MYO9B: variants seen among roughly 807,000 people sequenced by gnomAD.
The protein encoded by MYO9B is myosin IXB, also known as unconventional myosin-IXb.
MYO9B carries 71 observed loss-of-function variants against 229.5 expected under a neutral mutation model. The ratio of observed to expected loss-of-function variants is 0.31; its 90% CI spans 0.26 to 0.38. The LOEUF is 0.38. Ranked by LOEUF, MYO9B falls within the 10% of genes least tolerant of loss-of-function variation. The probability of loss-of-function intolerance (pLI) is 1.00; values close to 1 mark genes in which losing one functional copy is unlikely to be tolerated. For synonymous variants in MYO9B, 1,185 were observed against 1,235.8 expected (o/e 0.96, Z 0.86); for missense variants, 2,255 against 2,920.5 (o/e 0.77, Z 5.25).
intron 1 of MYO9B, among the ~76,000 whole-genome samples, chr19:17,077,527 C>T (rs938891960): frequency 6.6e-6 from 1 of 152,194 alleles, no homozygotes; most frequent in South Asian, 2.1e-4. Context: ...GCCCTGCAAT[C>T]GCCTCTTCCC....
At chr19:17,156,793 T>G in intron 6 of MYO9B, 116 bp from the exon 7 acceptor site, 2 of 1,250,316 alleles carry the variant, frequency 1.6e-6, no homozygotes, top group Non-Finnish European at 2.2e-6. Flanking sequence ...TTTTCAAATT[T>G]CATGCGTTCC....
Position 17,102,055 on chromosome 19 carries a change from A to G in MYO9B, c.338A>G (p.Asn113Ser), listed in dbSNP as rs1424027668. The G allele has an allele frequency of 7.4e-6, 12 of 1,612,388 alleles. No individual in the cohort carries two copies. Among genetic ancestry groups the G allele is most frequent in the South Asian group, 1.1e-5 (1 of 91,094 alleles). Residue 113 changes from asparagine to serine, a missense_variant, in exon 2 of 40, where the codon AAC becomes AGC. Asn to Ser is a conservative substitution (Grantham distance 46). Around this residue, in one of 7 missense-constraint regions of MYO9B, gnomAD observed 386 missense variants for 515.2 expected, o/e 0.75. Coordinates refer to ENST00000682292, the MANE Select transcript of MYO9B (RefSeq NM_004145.4). ...DGYYFLLQER[N>S]ADGTIKYVHM... ...TACTACTTCCTGCTGCAGGAGCGCA[A>G]CGCAGATGGAACCATCAAGTACGTG...
rs888580771 is a variant in MYO9B, at chr19:17,185,065, A to G, written c.2496+78A>G. 2.5e-6 allele frequency: 4 copies of G among 1,595,142 alleles called. No individual in the cohort carries two copies. The African/African-American group carries it at 5.4e-5, about 21-fold the overall frequency. On this transcript the variant is annotated intron_variant, in intron 17 of 39. Coordinates refer to ENST00000682292, the MANE Select transcript of MYO9B (RefSeq NM_004145.4). ...TGTAGCTTCACCCGACACCGAGCAC[A>G]GCCCGTCTCTAGTAAAAATACAAAA...
At chr19:17,206,621 A>G in intron 33 of MYO9B, 58 bp from the exon 34 acceptor site, 1 of 1,456,412 alleles carries the variant, frequency 6.9e-7, no homozygotes, top group Non-Finnish European at 9.4e-7. Context: ...GTTGGTGGGG[A>G]CAACAGGCAC....
At chr19:17,114,458 G>A (rs1209568501) in intron 2 of MYO9B, among the ~76,000 whole-genome samples, 4 of 152,056 alleles carry the variant, frequency 2.6e-5, no homozygotes, top group East Asian at 1.9e-4. Context: ...TCGTGTCACC[G>A]ATGATGAAGC....
intron 28 of MYO9B, 56 bp downstream of exon 28, chr19:17,202,359 C>G: frequency 4.1e-6 from 6 of 1,465,704 alleles, no homozygotes; most frequent in Non-Finnish European, 5.4e-6. Flanking sequence ...ACCCATGCCT[C>G]GCCATCCTTA....
intron 38 of MYO9B, 129 bp downstream of exon 38, chr19:17,210,977 CTTTTTTTT>C: frequency 1.2e-5 from 4 of 333,560 alleles, no homozygotes; most frequent in South Asian, 8.7e-5. Context: ...GCAAACAACA[CTTTTTTTT>C]TTTTTTTTTT....
In MYO9B at chr19:17,183,887, C is replaced by T; in HGVS notation, c.2373+19C>T. On this transcript the variant is annotated intron_variant, in intron 16 of 39. Coordinates refer to ENST00000682292, the MANE Select transcript of MYO9B (RefSeq NM_004145.4). ...TCCAAAGGTAAAAAAAAAAACACAC[C>T]CCGCGCGACACGTTCCAAGATATCT... 1.3e-6 allele frequency: 2 copies of T among 1,557,046 alleles called. No individual in the cohort carries two copies. The highest frequency in any genetic ancestry group is 1.7e-6 in the Non-Finnish European group (2 of 1,156,828).
At chr19:17,189,757 G>A (rs1291427519) in intron 19 of MYO9B, among the ~76,000 whole-genome samples, 1 of 152,068 alleles carries the variant, frequency 6.6e-6, no homozygotes, top group African/African-American at 2.4e-5. Context: ...ATCTGCAGTG[G>A]TCTTTCTTAA....
chr19:17,206,043 G>A lies in MYO9B; in HGVS notation c.5148G>A (p.Leu1716=), dbSNP rs2073157369. 1 of 1,610,508 alleles carries A rather than the reference G, an allele frequency of 6.2e-7. No homozygotes were observed. Among genetic ancestry groups the A allele is most frequent in the Non-Finnish European group, 8.5e-7 (1 of 1,177,882 alleles). Residue 1716 remains leucine, a synonymous_variant, in exon 32 of 40, where the codon CTG becomes CTA. Coordinates refer to ENST00000682292, the MANE Select transcript of MYO9B (RefSeq NM_004145.4). ...ACAAGGCCTCGGTGCCCATCGTGCT[G>A]GAGAAGCTCCTGGAACACGTGGAGA... ...TSDKASVPIV[L]EKLLEHVEMH...
rs1158284421 is a variant in MYO9B at position 17,195,572 on chromosome 19, T to A, written c.4046+99T>A. 1 of 1,428,328 alleles carries A rather than the reference T, an allele frequency of 7.0e-7. No homozygotes were observed. The highest frequency in any genetic ancestry group is 2.5e-5 in the East Asian group (1 of 40,272). 88.5% of individuals were successfully genotyped at this position (1,428,328 alleles called of 1,614,324 possible). A position where few individuals can be genotyped will look rare whatever the true frequency, so the allele number is the denominator to read the frequency against. ...CATCCTGGAAACACATGTGTAATCA[T>A]GCCCAGTGGGTGTGCGGGAGGCCTG... On this transcript the variant is annotated intron_variant, in intron 22 of 39. Coordinates refer to ENST00000682292, the MANE Select transcript of MYO9B (RefSeq NM_004145.4). The surrounding 1 kb of genome is among the most constrained non-coding windows in gnomAD (Gnocchi z 4.5).
At chr19:17,127,810 G>C (rs1320489510) in intron 2 of MYO9B, among the ~76,000 whole-genome samples, 1 of 152,218 alleles carries the variant, frequency 6.6e-6, no homozygotes, top group Non-Finnish European at 1.5e-5. Flanking sequence ...CATTGGCAGA[G>C]CTGAGCGGTG....
chr19:17,106,392 C>T (rs1412071521), intron 2 of MYO9B, among the ~76,000 whole-genome samples: 1 of 152,162 alleles, frequency 6.6e-6, no homozygotes, highest in African/African-American at 2.4e-5. Context: ...AAAATTCTCC[C>T]CAGGTAGAAC....
intron 1 of MYO9B, among the ~76,000 whole-genome samples, chr19:17,084,123 C>T (rs1198097177): frequency 6.6e-6 from 1 of 151,814 alleles, no homozygotes. Context: ...ATCCCTTGGG[C>T]CCAGGACTTC....
At chr19:17,198,369 G>A (rs1372669044) in intron 24 of MYO9B, 61 bp downstream of exon 24, 2 of 1,602,064 alleles carry the variant, frequency 1.2e-6, no homozygotes, top group Non-Finnish European at 1.7e-6. Flanking sequence ...CCCTGCCAGG[G>A]CCTCGCAGCA....
chr19:17,086,255 G>A (rs997418071), intron 1 of MYO9B, among the ~76,000 whole-genome samples: 5 of 152,124 alleles, frequency 3.3e-5, no homozygotes, highest in South Asian at 2.1e-4. Flanking sequence ...CTCTCTCCCG[G>A]CCTCCAGCCT....
rs1327965862 is a variant in MYO9B at position 17,193,658 on chromosome 19, G to A, written c.3128+596G>A. ...TTTGGGAGGCCTAGATGGGAAGATC[G>A]CTTGAGCACAGGAGTTCAAGACCAG... On this transcript the variant is annotated intron_variant, in intron 21 of 39. Coordinates refer to ENST00000682292, the MANE Select transcript of MYO9B (RefSeq NM_004145.4). The surrounding 1 kb of genome is among the most constrained non-coding windows in gnomAD (Gnocchi z 4.3). Among the ~76,000 whole-genome samples the A allele has an allele frequency of 6.6e-6, 1 of 151,980 alleles. No homozygotes were observed. Among genetic ancestry groups the A allele is most frequent in the Non-Finnish European group, 1.5e-5 (1 of 67,994 alleles).
In MYO9B at chr19:17,113,553, C is replaced by T. The variant is rs192849653; in HGVS notation, c.840+10996C>T. Among the ~76,000 whole-genome samples, 866 of 152,162 alleles carry T rather than the reference C, an allele frequency of 5.7e-3. 7 individuals are homozygous for T. Among genetic ancestry groups the T allele is most frequent in the Non-Finnish European group, 8.5e-3 (576 of 68,006 alleles). ...TAGGTCACCCATCCACACAGGCAGG[C>T]GTGTGTGGAAGACAGGGTGGTGCAA... On this transcript the variant is annotated intron_variant, in intron 2 of 39. Coordinates refer to ENST00000682292, the MANE Select transcript of MYO9B (RefSeq NM_004145.4).
At chr19:17,167,473 ATTTTTTT>A (rs36062777) in intron 10 of MYO9B, among the ~76,000 whole-genome samples, 1 of 117,396 alleles carries the variant, frequency 8.5e-6, no homozygotes, top group African/African-American at 3.3e-5. Context: ...TATTAGAGCT[ATTTTTTT>A]TTTTTTTTTT....
Sources: allele counts gnomAD v4.1 joint callset (sites outside exome capture counted in the v4.1 genomes callset), GRCh38; gene constraint gnomAD v4.1.1; regional missense constraint gnomAD v4.1.1; non-coding constraint Gnocchi (gnomAD v3.1); transcripts MANE v1.5; gene names NCBI Gene and HGNC (gene_info 2026-07-23, HGNC 2026-07-21).